BFSP2: variants seen among roughly 807,000 people sequenced by gnomAD.
BFSP2 encodes the protein beaded filament structural protein 2, also known as phakinin.
In BFSP2, 38 loss-of-function variants were observed where a neutral mutation model predicts 44.9. That is an observed-to-expected ratio of 0.85 (90% CI 0.65 to 1.11). The LOEUF (loss-of-function observed/expected upper bound fraction) is 1.11, where lower values mean the gene tolerates loss of function less well. Ranked by LOEUF, BFSP2 falls within the 50% of genes least tolerant of loss-of-function variation. The probability of loss-of-function intolerance (pLI) is 0.00; values close to 1 mark genes in which losing one functional copy is unlikely to be tolerated. For missense variants in BFSP2, 525 were observed against 533.0 expected, an observed-to-expected ratio of 0.99 and a Z score of 0.15; for synonymous variants, 197 against 209.9, an observed-to-expected ratio of 0.94 and a Z score of 0.53.
intron 4 of BFSP2, chr3:133,455,330 A>T (rs897229279): frequency 3.3e-5 from 5 of 152,240 alleles, no homozygotes; most frequent in Non-Finnish European, 5.9e-5. Flanking sequence ...GGTACCCACC[A>T]GGGCCGCATT....
In BFSP2 at chr3:133,466,869, G is replaced by C; in HGVS notation, c.933G>C (p.Glu311Asp). 2 of 1,613,964 alleles carry C rather than the reference G, an allele frequency of 1.2e-6. No individual in the cohort carries two copies. The highest frequency in any genetic ancestry group is 2.2e-5 in the East Asian group (1 of 44,870). Residue 311 changes from glutamate (E) to aspartate (D), a missense_variant, in exon 5 of 7, where the codon GAG becomes GAC. Physicochemically the swap from Glu to Asp is conservative, Grantham distance 45. Transcript: ENST00000302334. ...EVAHMSQTQE[E>D]KLAAALRVEL... ...CCCACATGTCCCAGACCCAGGAGGA[G>C]AAGCTGGCAGCTGCCCTCAGGGTGG...
At chr3:133,403,451 C>T (rs1276397114) in intron 1 of BFSP2, among the ~76,000 whole-genome samples, 4 of 152,100 alleles carry the variant, frequency 2.6e-5, no homozygotes, top group Non-Finnish European at 5.9e-5. Flanking sequence ...GGCCTGAGGC[C>T]TCAGAGCAAG....
chr3:133,474,995 T>A lies in BFSP2; in HGVS notation c.*23T>A, dbSNP rs767743282. The A allele has an allele frequency of 1.2e-6, 2 of 1,614,050 alleles. No homozygotes were observed. The highest frequency in any genetic ancestry group is 1.7e-6 in the Non-Finnish European group (2 of 1,179,878). ...TGATGGAGAAACTTCCTCTTTTTCA[T>A]GAAGAAAACACCCTTCCTCAACAGC... On this transcript the variant is annotated 3_prime_UTR_variant, in exon 7 of 7. Coordinates refer to ENST00000302334, the MANE Select transcript of BFSP2 (RefSeq NM_003571.4).
rs766368338 is a variant in BFSP2, at chr3:133,448,540, T to A, written c.624T>A (p.Ser208=). The A allele has an allele frequency of 1.2e-6, 2 of 1,614,106 alleles. No homozygotes were observed. The highest frequency in any genetic ancestry group is 1.7e-4 in the Middle Eastern group (1 of 6,022). Residue 208 remains serine (S), a synonymous_variant, in exon 3 of 7, where the codon TCT becomes TCA. Transcript: ENST00000302334. ...FRKAAEEEIN[S]LYKVIDEANL... Reference sequence around the variant, plus strand: ...AGGCGGCAGAAGAGGAAATTAACTCTCTGTATAAAGTCATTGATGAGGCTA... The same window carrying A: ...AGGCGGCAGAAGAGGAAATTAACTCACTGTATAAAGTCATTGATGAGGCTA...
chr3:133,436,844 G>C (rs1036577913), intron 1 of BFSP2, among the ~76,000 whole-genome samples: 3 of 152,146 alleles, frequency 2.0e-5, no homozygotes, highest in Non-Finnish European at 2.9e-5. Context: ...CTATGAGTGA[G>C]AACATGTGGT....
chr3:133,448,013 A>G (rs1221589668), intron 2 of BFSP2, among the ~76,000 whole-genome samples: 1 of 152,228 alleles, frequency 6.6e-6, no homozygotes, highest in African/African-American at 2.4e-5. Context: ...CAGTCCCTGA[A>G]GGCATCTGGG....
chr3:133,472,763 CTAA>C (rs1270130478), intron 6 of BFSP2, among the ~76,000 whole-genome samples, 198 bp downstream of exon 6: 1 of 152,056 alleles, frequency 6.6e-6, no homozygotes, highest in Non-Finnish European at 1.5e-5. Context: ...TATTCACATA[CTAA>C]TACATTTTCT....
chr3:133,431,098 T>C (rs571422539), intron 1 of BFSP2, among the ~76,000 whole-genome samples: 169 of 152,208 alleles, frequency 1.1e-3, no homozygotes, highest in African/African-American at 3.9e-3. Context: ...GCAGCAACCC[T>C]GAGACGCTTT....
chr3:133,463,739 AC>A (rs1243837999), intron 4 of BFSP2, among the ~76,000 whole-genome samples: 1 of 151,954 alleles, frequency 6.6e-6, no homozygotes, highest in African/African-American at 2.4e-5. Context: ...CTTTAGGGAG[AC>A]TGCTTTTCCC....
chr3:133,474,586 G>A (rs1455362653), intron 6 of BFSP2, among the ~76,000 whole-genome samples: 1 of 152,174 alleles, frequency 6.6e-6, no homozygotes, highest in Admixed American at 6.5e-5. Context: ...ATGAGCATCT[G>A]TATAAACACA....
At chr3:133,438,254 C>T (rs891909307) in intron 1 of BFSP2, among the ~76,000 whole-genome samples, 6 of 152,214 alleles carry the variant, frequency 3.9e-5, no homozygotes, top group Admixed American at 1.3e-4. Context: ...AGGCCAGGCA[C>T]GGTGGCTCAT....
intron 4 of BFSP2, among the ~76,000 whole-genome samples, chr3:133,455,114 G>A (rs532401300): frequency 3.3e-5 from 5 of 152,186 alleles, no homozygotes; most frequent in Admixed American, 6.5e-5. Context: ...CTGTTTTACC[G>A]TTAACTATTT....
At chr3:133,424,102 A>T (rs182936253) in intron 1 of BFSP2, among the ~76,000 whole-genome samples, 10 of 150,976 alleles carry the variant, frequency 6.6e-5, no homozygotes, top group African/African-American at 2.4e-4. Context: ...CCCAGGCTGG[A>T]GTGCAGTGGC....
chr3:133,440,011 G>A (rs1305956198), intron 1 of BFSP2, among the ~76,000 whole-genome samples: 1 of 152,144 alleles, frequency 6.6e-6, no homozygotes, highest in African/African-American at 2.4e-5. Context: ...CTGAGACTGG[G>A]TAATTCATAA....
chr3:133,426,926 G>A lies in BFSP2; in HGVS notation c.490-20391G>A, dbSNP rs79134908. ...ATGACATAGCTTCATGTCCAGTACT[G>A]AGTGGGAGATGGAAAGCATGCATTT... On this transcript the variant is annotated intron_variant, in intron 1 of 6. Transcript: ENST00000302334. 3.3e-3 allele frequency among the ~76,000 whole-genome samples: 509 copies of A among 152,320 alleles called. 1 individual carries two copies. Among genetic ancestry groups the A allele is most frequent in the Non-Finnish European group, 5.5e-3 (373 of 68,026 alleles).
chr3:133,453,571 C>A (rs539672949), intron 4 of BFSP2, among the ~76,000 whole-genome samples: 2 of 152,198 alleles, frequency 1.3e-5, no homozygotes, highest in South Asian at 4.2e-4. Flanking sequence ...GACGTGTAAA[C>A]CAAGAAGAAT....
chr3:133,445,535 T>G (rs2073889150), intron 1 of BFSP2: 1 of 152,188 alleles, frequency 6.6e-6, no homozygotes. Context: ...GTACAGTCAG[T>G]CCTTCACATC....
intron 1 of BFSP2, among the ~76,000 whole-genome samples, chr3:133,425,807 G>GGAAGGGAAGGGAAGGGAAATAAA (rs2073642598): frequency 8.3e-6 from 1 of 120,452 alleles, no homozygotes; most frequent in African/African-American, 4.0e-5. Context: ...AGGGAAGAAG[G>GGAAGGGAAGGGAAGGGAAATAAA]GAAGGGAAGG....
At chr3:133,448,340 C>A in intron 2 of BFSP2, 149 bp from the exon 3 acceptor site, 1 of 1,004,904 alleles carries the variant, frequency 1.0e-6, no homozygotes, top group Non-Finnish European at 1.5e-6. Context: ...GTGACAACTG[C>A]ACTAACAGTG....
Sources: allele counts gnomAD v4.1 joint callset (sites outside exome capture counted in the v4.1 genomes callset), GRCh38; gene constraint gnomAD v4.1.1; transcripts MANE v1.5; gene names NCBI Gene and HGNC (gene_info 2026-07-23, HGNC 2026-07-21).